Variants in MADD observed in about 807,000 individuals in gnomAD.
MADD encodes MAP kinase activating death domain.
In MADD, 109 loss-of-function variants were observed where a neutral mutation model predicts 176.7. The ratio of observed to expected loss-of-function variants is 0.62; its 90% CI spans 0.53 to 0.72. The LOEUF is 0.72. MADD is among the 30% of genes least tolerant of loss of function. The pLI is 0.00. For synonymous variants in MADD, 771 were observed against 771.3 expected (o/e 1.00, Z 0.01); for missense variants, 1,914 against 2,045.5 (o/e 0.94, Z 1.24).
At chr11:47,278,082 T>C (rs2052276726) in intron 5 of MADD, 83 bp from the exon 6 acceptor site, 1 of 904,134 alleles carries the variant, frequency 1.1e-6, no homozygotes, top group African/African-American at 1.6e-5. Context: ...TATCTGCATT[T>C]CCTTATCTAG....
chr11:47,312,557 G>A (rs2090320385), intron 26 of MADD, among the ~76,000 whole-genome samples: 1 of 152,176 alleles, frequency 6.6e-6, no homozygotes, highest in Non-Finnish European at 1.5e-5. Flanking sequence ...CTCCCGAGTA[G>A]CTGAAGCTCC....
chr11:47,275,432 C>T (rs142814246), intron 3 of MADD, among the ~76,000 whole-genome samples: 26 of 152,280 alleles, frequency 1.7e-4, no homozygotes, highest in Non-Finnish European at 3.5e-4. Context: ...GCTGGGATTA[C>T]AGGTGCACGC....
intron 25 of MADD, among the ~76,000 whole-genome samples, chr11:47,310,855 C>T (rs917267870): frequency 2.2e-4 from 33 of 147,688 alleles, no homozygotes; most frequent in Non-Finnish European, 3.0e-4. Flanking sequence ...TGCAGTGAGC[C>T]GAGATTCCAC....
chr11:47,315,679 T>TG (rs2092611578), intron 27 of MADD, among the ~76,000 whole-genome samples: 1 of 152,164 alleles, frequency 6.6e-6, no homozygotes, highest in South Asian at 2.1e-4. Flanking sequence ...TTGATCATGT[T>TG]GGCCAGGCTG....
exon 18 of MADD, chr11:47,290,185 C>T (rs1225691836): frequency 6.2e-6 from 10 of 1,614,140 alleles, no homozygotes; most frequent in Non-Finnish European, 8.5e-6. Flanking sequence ...AATGTTAGAC[C>T]TCCTCAAGTG....
chr11:47,309,838 C>CTTT (rs60488949), intron 25 of MADD, among the ~76,000 whole-genome samples: 12 of 143,706 alleles, frequency 8.4e-5, no homozygotes, highest in African/African-American at 2.5e-4. Context: ...TGATGATTCT[C>CTTT]TTTTTTTTTT....
chr11:47,288,659 T>A (rs1160442847), intron 15 of MADD, among the ~76,000 whole-genome samples: 3 of 152,164 alleles, frequency 2.0e-5, no homozygotes, highest in Admixed American at 2.0e-4. Context: ...CCCCTGGCCC[T>A]CTGTGCTGGA....
chr11:47,308,282 C>G (rs1334264536), intron 22 of MADD, among the ~76,000 whole-genome samples: 1 of 152,180 alleles, frequency 6.6e-6, no homozygotes, highest in Non-Finnish European at 1.5e-5. Context: ...ATGGCAAACC[C>G]TGGGTTCTTT....
At chr11:47,292,811 A>G (rs774991866) in intron 19 of MADD, among the ~76,000 whole-genome samples, 3 of 152,028 alleles carry the variant, frequency 2.0e-5, no homozygotes, top group Admixed American at 6.6e-5. Context: ...CCAGGTGTCT[A>G]CTGAATACAA....
intron 22 of MADD, among the ~76,000 whole-genome samples, chr11:47,306,473 G>C (rs2082733975): frequency 1.3e-5 from 2 of 152,240 alleles, no homozygotes; most frequent in African/African-American, 4.8e-5. Flanking sequence ...ATGGACTCCA[G>C]GCAGCTCCTT....
exon 28 of MADD, chr11:47,323,789 G>T (rs771549246): frequency 2.5e-6 from 4 of 1,614,228 alleles, no homozygotes; most frequent in East Asian, 2.2e-5. Flanking sequence ...TGCTTGTGGC[G>T]TAGAAATGGC....
intron 22 of MADD, among the ~76,000 whole-genome samples, chr11:47,305,580 G>A (rs73451761): frequency 0.014 from 2,140 of 152,230 alleles, 58 homozygotes; most frequent in African/African-American, 0.049. Flanking sequence ...GCACCATGTA[G>A]TAGTGACTCT....
intron 22 of MADD, among the ~76,000 whole-genome samples, chr11:47,298,329 G>A (rs1160728282): frequency 9.9e-5 from 15 of 152,212 alleles, no homozygotes. Context: ...CTCAGTGCTT[G>A]CTTGTACTCT....
chr11:47,286,120 CAGTG>C (rs1426407005), intron 14 of MADD, among the ~76,000 whole-genome samples: 15 of 152,216 alleles, frequency 9.9e-5, no homozygotes, highest in Admixed American at 8.5e-4. Context: ...CAGGGAGGGA[CAGTG>C]CCAGCTTCAG....
intron 3 of MADD, among the ~76,000 whole-genome samples, chr11:47,275,678 T>G (rs1173235524): frequency 6.6e-6 from 1 of 152,248 alleles, no homozygotes; most frequent in Non-Finnish European, 1.5e-5. Flanking sequence ...ATTTGGTGTT[T>G]TAACTGTGGT....
exon 9 of MADD, chr11:47,282,420 G>A (rs1425283300): frequency 5.0e-6 from 8 of 1,614,054 alleles, no homozygotes; most frequent in Non-Finnish European, 5.9e-6. Flanking sequence ...CCAACGTGCT[G>A]CAGGGATTTC....
intron 31 of MADD, 26 bp downstream of exon 35, chr11:47,326,833 T>A: frequency 6.2e-7 from 1 of 1,613,670 alleles, no homozygotes; most frequent in African/African-American, 1.3e-5. Context: ...TGCTCTTAGG[T>A]CTGGACTCAC....
At chr11:47,319,852 G>C (rs902343551) in intron 27 of MADD, among the ~76,000 whole-genome samples, 3 of 151,894 alleles carry the variant, frequency 2.0e-5, no homozygotes, top group African/African-American at 7.3e-5. Context: ...TTAGCCGGGC[G>C]TGTTGGGCAG....
exon 3 of MADD, chr11:47,274,872 C>T (rs748302700): frequency 6.2e-7 from 1 of 1,614,108 alleles, no homozygotes; most frequent in Non-Finnish European, 8.5e-7. Flanking sequence ...GAACCCATGC[C>T]ACCTGTGCCT....
Sources: allele counts gnomAD v4.1 joint callset (sites outside exome capture counted in the v4.1 genomes callset), GRCh38; gene constraint gnomAD v4.1.1; transcripts MANE v1.5; gene names NCBI Gene and HGNC (gene_info 2026-07-23, HGNC 2026-07-21).